Variants in ZNF536 observed in about 807,000 individuals in gnomAD.
ZNF536 encodes zinc finger protein 536.
Under a neutral mutation model 84.5 loss-of-function variants are expected in ZNF536, and 13 were observed. That is an observed-to-expected ratio of 0.15 (90% CI 0.10 to 0.24). ZNF536 has a LOEUF of 0.24. Among genes scored for constraint, ZNF536 ranks in the 10% least tolerant of loss-of-function variants. The probability of loss-of-function intolerance (pLI) is 1.00; values close to 1 mark genes in which losing one functional copy is unlikely to be tolerated. For missense variants in ZNF536, 1,536 were observed against 1,747.5 expected (o/e 0.88, Z 2.16); for synonymous variants, 811 against 742.5 (o/e 1.09, Z -1.50).
At chr19:30,628,011 G>A (rs1318849175) in intron 1 of ZNF536, among the ~76,000 whole-genome samples, 3 of 152,196 alleles carry the variant, frequency 2.0e-5, no homozygotes, top group Admixed American at 6.5e-5. Flanking sequence ...CCTGCTTCCC[G>A]TGGGGAGGGC....
intron 2 of ZNF536, among the ~76,000 whole-genome samples, chr19:30,313,749 G>T (rs1329977660): frequency 6.6e-6 from 1 of 152,200 alleles, no homozygotes; most frequent in Non-Finnish European, 1.5e-5. Context: ...GGGGTCCTCA[G>T]TTCAGTGTGG....
chr19:30,510,253 C>T (rs930431782), intron 2 of ZNF536, among the ~76,000 whole-genome samples: 1 of 152,250 alleles, frequency 6.6e-6, no homozygotes, highest in South Asian at 2.1e-4. Flanking sequence ...ATGAAAAGTG[C>T]ACTGTGCCAT....
rs965598888 is a variant in ZNF536, at chr19:30,271,560, G to A, written c.-189-12512G>A. Among the ~76,000 whole-genome samples, 12 of 152,148 alleles carry A rather than the reference G, an allele frequency of 7.9e-5. No individual in the cohort carries two copies. In the East Asian group the frequency reaches 1.9e-3, roughly 25 times the overall value. Reference sequence around the variant, plus strand: ...TGATCACACCCTCTGCCCAGATAGCGAAATGAGCAAAACCCCACCATTCTC... The same window carrying A: ...TGATCACACCCTCTGCCCAGATAGCAAAATGAGCAAAACCCCACCATTCTC... On this transcript the variant is annotated intron_variant, in intron 1 of 5. Coordinates refer to the ZNF536 transcript ENST00000585628.
At chr19:30,412,636 G>A (rs2050542576) in intron 1 of ZNF536, among the ~76,000 whole-genome samples, 1 of 151,904 alleles carries the variant, frequency 6.6e-6, no homozygotes. Context: ...AGTAGTAATA[G>A]TAGTAACAGT....
At chr19:30,609,913 T>C (rs34748385) in intron 1 of ZNF536, among the ~76,000 whole-genome samples, 1 of 113,668 alleles carries the variant, frequency 8.8e-6, no homozygotes, top group Admixed American at 9.9e-5. Context: ...CATCCATCCA[T>C]CCATCCATCC....
chr19:30,449,955 C>T lies in ZNF536; in HGVS notation c.2170+4223C>T, dbSNP rs1460162069. Among the ~76,000 whole-genome samples the T allele has an allele frequency of 2.6e-5, 4 of 152,086 alleles. No individual in the cohort carries two copies. The East Asian group carries it at 7.7e-4, about 29-fold the overall frequency. On this transcript the variant is annotated intron_variant, in intron 2 of 4. Transcript: ENST00000355537. The stretch of plus-strand genomic sequence containing the variant: ...ACCTCTTTTTCTCATGTGGCTCCCC[C>T]TCCCTGCCCCCGTTCACGATAACCG...
chr19:30,542,778 T>G (rs1007889537), intron 3 of ZNF536, among the ~76,000 whole-genome samples: 3 of 152,154 alleles, frequency 2.0e-5, no homozygotes, highest in African/African-American at 7.2e-5. Context: ...TATTTAAAAA[T>G]TAAGATACTG....
chr19:30,389,546 C>T (rs2049492944), intron 1 of ZNF536, among the ~76,000 whole-genome samples: 1 of 152,108 alleles, frequency 6.6e-6, no homozygotes, highest in East Asian at 1.9e-4. Context: ...AATGATTTGT[C>T]CCCAGGGGCT....
intron 1 of ZNF536, among the ~76,000 whole-genome samples, chr19:30,700,238 TTCTC>T (rs141789281): frequency 7.9e-4 from 77 of 97,992 alleles, no homozygotes; most frequent in East Asian, 2.2e-3. Flanking sequence ...CTTTCTTTCT[TTCTC>T]TCTCTCTCTC....
intron 1 of ZNF536, among the ~76,000 whole-genome samples, chr19:30,247,217 A>G (rs1290289318): frequency 6.6e-6 from 1 of 152,272 alleles, no homozygotes. Context: ...ATTGTAGGCC[A>G]GGTGACAGTT....
rs142560954 is a variant in ZNF536 at position 30,709,655 on chromosome 19, C to T, written c.170-1102C>T. ...TTGTTCTTTGTGTTTGTGAAAGGGT[C>T]TTGCTTGTTGTCCAGGCTGTAGTGC... On this transcript the variant is annotated intron_variant, in intron 1 of 1. Transcript: ENST00000592773. 5.2e-3 allele frequency among the ~76,000 whole-genome samples: 799 copies of T among 152,326 alleles called. 4 individuals are homozygous for T. The highest frequency in any genetic ancestry group is 9.4e-3 in the Non-Finnish European group (637 of 68,040).
chr19:30,240,001 C>T (rs1290190166), intron 1 of ZNF536, among the ~76,000 whole-genome samples: 3 of 152,178 alleles, frequency 2.0e-5, no homozygotes, highest in African/African-American at 7.2e-5. Flanking sequence ...TGTACCTGGA[C>T]TTTATCCCTA....
intron 1 of ZNF536, among the ~76,000 whole-genome samples, chr19:30,385,825 G>T (rs2049319288): frequency 6.6e-6 from 1 of 152,156 alleles, no homozygotes; most frequent in Admixed American, 6.5e-5. Flanking sequence ...ACTGCCTGGA[G>T]GTCCCTTCAG....
intron 1 of ZNF536, among the ~76,000 whole-genome samples, chr19:30,419,599 G>C (rs539479838): frequency 1.3e-5 from 2 of 152,130 alleles, no homozygotes; most frequent in Non-Finnish European, 2.9e-5. Context: ...ATGTTGCTTC[G>C]CTATTTTAAA....
chr19:30,442,862 C>A (rs543659705), intron 1 of ZNF536, among the ~76,000 whole-genome samples: 1 of 152,288 alleles, frequency 6.6e-6, no homozygotes, highest in African/African-American at 2.4e-5. Flanking sequence ...TGTTACAGCA[C>A]CTAGTACTGT....
intron 1 of ZNF536, among the ~76,000 whole-genome samples, chr19:30,693,525 G>A (rs780583625): frequency 6.6e-6 from 1 of 151,926 alleles, no homozygotes; most frequent in Non-Finnish European, 1.5e-5. Flanking sequence ...ATTTTAGAGA[G>A]AGCCTTTTAT....
In ZNF536 at chr19:30,606,170, T is replaced by TAAATA. The variant is rs11454529; in HGVS notation, c.169+56678_169+56682dup. Among the ~76,000 whole-genome samples the TAAATA allele has an allele frequency of 2.0e-3, 207 of 101,634 alleles. 6 individuals carry two copies. Among genetic ancestry groups the TAAATA allele is most frequent in the Middle Eastern group, 9.6e-3 (2 of 208 alleles). 66.7% of individuals were successfully genotyped at this position (101,634 alleles called of 152,430 possible). On this transcript the variant is annotated intron_variant, in intron 1 of 1. Coordinates refer to the ZNF536 transcript ENST00000592773. ...CCTCATCTCTAAAAATAAAATAAAA[T>TAAATA]AAATAAAATAAAATAAAATAAAATA...
chr19:30,656,457 A>T (rs1448864116), intron 1 of ZNF536, among the ~76,000 whole-genome samples: 3 of 151,988 alleles, frequency 2.0e-5, no homozygotes, highest in African/African-American at 7.3e-5. Flanking sequence ...CACCATCTCT[A>T]CCCTGCTGGA....
At chr19:30,306,361 C>A (rs1464978167) in intron 2 of ZNF536, among the ~76,000 whole-genome samples, 1 of 152,152 alleles carries the variant, frequency 6.6e-6, no homozygotes, top group Non-Finnish European at 1.5e-5. Context: ...ATATCTGAGC[C>A]ATCTCACCCC....
Sources: gnomAD v4.1 joint callset for allele counts (sites outside exome capture counted in the v4.1 genomes callset) on GRCh38, gnomAD v4.1.1 for gene constraint, MANE v1.5 for transcripts, NCBI Gene and HGNC (gene_info 2026-07-23, HGNC 2026-07-21) for gene names.